MAF: variants seen among roughly 807,000 people sequenced by gnomAD.
The protein encoded by MAF is MAF bZIP transcription factor, also known as transcription factor Maf.
In MAF, 10 loss-of-function variants were observed where a neutral mutation model predicts 22.0. That is an observed-to-expected ratio of 0.45 (90% CI 0.28 to 0.77). MAF has a LOEUF of 0.77. Among genes scored for constraint, MAF ranks in the 30% least tolerant of loss-of-function variants. The pLI, the probability that MAF is intolerant of heterozygous loss-of-function variation, is 0.12. For synonymous variants in MAF, 337 were observed against 255.8 expected (o/e 1.32, Z -3.03); for missense variants, 544 against 548.4 (o/e 0.99, Z 0.08).
the MAF span, among the ~76,000 whole-genome samples, chr16:79,258,129 GTC>G: frequency 1.1e-4 from 16 of 152,332 alleles, no homozygotes; most frequent in African/African-American, 3.8e-4. Context: ...CGCAGAATCT[GTC>G]TCTGAGATGC....
chr16:79,317,876 T>C, the MAF span, among the ~76,000 whole-genome samples: 1 of 151,970 alleles, frequency 6.6e-6, no homozygotes, highest in Non-Finnish European at 1.5e-5. Context: ...TTGGAGAGTA[T>C]TTACTATCTG....
At chr16:79,431,327 C>T in the MAF span, among the ~76,000 whole-genome samples, 1 of 152,150 alleles carries the variant, frequency 6.6e-6, no homozygotes, top group Non-Finnish European at 1.5e-5. Context: ...GCCATGAAAC[C>T]TGCAATCTGG....
At chr16:79,549,103 T>C in the MAF span, among the ~76,000 whole-genome samples, 2 of 152,276 alleles carry the variant, frequency 1.3e-5, no homozygotes, top group Middle Eastern at 3.4e-3. Context: ...GTTGCAAGGA[T>C]TAAATGAGCT....
chr16:79,305,057 C>T, the MAF span, among the ~76,000 whole-genome samples: 1 of 152,338 alleles, frequency 6.6e-6, no homozygotes, highest in East Asian at 1.9e-4. Flanking sequence ...GAGCGGCCTA[C>T]AGAATCGTGT....
At chr16:79,553,267 T>C in the MAF span, among the ~76,000 whole-genome samples, 1 of 152,238 alleles carries the variant, frequency 6.6e-6, no homozygotes, top group East Asian at 1.9e-4. Flanking sequence ...GCCTTGGCCA[T>C]TGCCACCTCT....
At chr16:79,393,274 G>A in the MAF span, among the ~76,000 whole-genome samples, 4 of 152,082 alleles carry the variant, frequency 2.6e-5, no homozygotes, top group Admixed American at 6.6e-5. Context: ...GATTCCAAAG[G>A]GATTTCTTTG....
chr16:79,305,786 C>G, the MAF span, among the ~76,000 whole-genome samples: 12,192 of 152,176 alleles, frequency 0.08, 621 homozygotes, highest in Non-Finnish European at 0.12. Context: ...CACAGAAGAG[C>G]TGGAAAAGGA....
intron 1 of MAF, chr16:79,596,598 A>G (rs1913541401): frequency 3.8e-6 from 4 of 1,045,260 alleles, no homozygotes; most frequent in Non-Finnish European, 4.6e-6. Context: ...CAAGATATAA[A>G]ACAATTTTGC....
the MAF span, among the ~76,000 whole-genome samples, chr16:79,448,185 G>C: frequency 6.6e-6 from 1 of 152,128 alleles, no homozygotes; most frequent in East Asian, 1.9e-4. Context: ...ACATGCCACA[G>C]AGAAATTGTT....
chr16:79,600,037 G>C lies in MAF; in HGVS notation c.-135C>G. ...GGCGCTTCTAGCTTGCGCGGCGGTG[G>C]CTGGCCCGAAACCTCCGAGCGCGCT... is the stretch of plus-strand genomic sequence containing the variant. On this transcript the variant is annotated 5_prime_UTR_variant, in exon 1 of 2. Transcript: ENST00000326043. 1.5e-6 allele frequency: 2 copies of C among 1,298,642 alleles called. No individual in the cohort carries two copies. The highest frequency in any genetic ancestry group is 2.7e-5 in the South Asian group (2 of 74,570). 80.4% of individuals were successfully genotyped at this position (1,298,642 alleles called of 1,614,324 possible).
At chr16:79,280,431 T>G in the MAF span, among the ~76,000 whole-genome samples, 1 of 152,248 alleles carries the variant, frequency 6.6e-6, no homozygotes, top group African/African-American at 2.4e-5. Flanking sequence ...CGCAACTATT[T>G]GAAGGCCAGG....
the MAF span, among the ~76,000 whole-genome samples, chr16:79,302,682 G>A: frequency 0.045 from 6,852 of 152,284 alleles, 279 homozygotes; most frequent in Non-Finnish European, 0.056. Flanking sequence ...CCCTGCAGGC[G>A]CTCTAGAAGA....
At chr16:79,460,473 C>G in the MAF span, among the ~76,000 whole-genome samples, 1 of 152,168 alleles carries the variant, frequency 6.6e-6, no homozygotes, top group African/African-American at 2.4e-5. Flanking sequence ...CTCTATTACT[C>G]TATTTGTCCA....
chr16:79,564,341 A>G, the MAF span, among the ~76,000 whole-genome samples: 1 of 152,016 alleles, frequency 6.6e-6, no homozygotes, highest in East Asian at 1.9e-4. Flanking sequence ...GTTGCGGGGG[A>G]GAAGGAAAGA....
intron 1 of MAF, chr16:79,596,804 A>T (rs1913553423): frequency 9.5e-7 from 1 of 1,049,202 alleles, no homozygotes; most frequent in Non-Finnish European, 1.2e-6. Context: ...AACTGTAAAA[A>T]AATCTGCATC....
chr16:79,530,495 C>A, the MAF span, among the ~76,000 whole-genome samples: 1 of 152,056 alleles, frequency 6.6e-6, no homozygotes, highest in Non-Finnish European at 1.5e-5. Flanking sequence ...GTATGTGGAA[C>A]ACACTAAATA....
At chr16:79,555,102 CTCTG>C in the MAF span, among the ~76,000 whole-genome samples, 2 of 152,184 alleles carry the variant, frequency 1.3e-5, no homozygotes, top group Non-Finnish European at 2.9e-5. Context: ...TGACCTAAGG[CTCTG>C]TCTGGAAATG....
downstream of MAF, among the ~76,000 whole-genome samples, chr16:79,583,373 A>T (rs1912643820): frequency 6.6e-6 from 1 of 152,200 alleles, no homozygotes; most frequent in African/African-American, 2.4e-5. Flanking sequence ...TAGAAAAAAA[A>T]TATCGATGGG....
At chr16:79,235,631 A>T in the MAF span, among the ~76,000 whole-genome samples, 1 of 152,026 alleles carries the variant, frequency 6.6e-6, no homozygotes, top group Non-Finnish European at 1.5e-5. Flanking sequence ...TGCTTCTCAT[A>T]TGGGCAACTC....
Sources: allele counts gnomAD v4.1 joint callset (sites outside exome capture counted in the v4.1 genomes callset), GRCh38; gene constraint gnomAD v4.1.1; transcripts MANE v1.5; gene names NCBI Gene and HGNC (gene_info 2026-07-23, HGNC 2026-07-21).